Variants in CLIC5 observed in about 807,000 individuals in gnomAD.
The protein encoded by CLIC5 is chloride intracellular channel protein 5.
A neutral mutation model predicts 24.7 loss-of-function variants in CLIC5; 20 were observed. That is an observed-to-expected ratio of 0.81 (90% CI 0.57 to 1.18). CLIC5 has a LOEUF of 1.18. Among genes scored for constraint, CLIC5 ranks in the 50% most tolerant of loss-of-function variants. The probability of loss-of-function intolerance (pLI) is 0.00; values close to 1 mark genes in which losing one functional copy is unlikely to be tolerated. For synonymous variants in CLIC5, 159 were observed against 135.6 expected (o/e 1.17, Z -1.20); for missense variants, 341 against 326.1 (o/e 1.05, Z -0.35).
At chr6:45,953,021 G>A (rs1764521918) in intron 2 of CLIC5, among the ~76,000 whole-genome samples, 1 of 152,146 alleles carries the variant, frequency 6.6e-6, no homozygotes, top group Non-Finnish European at 1.5e-5. Flanking sequence ...CACGATTCCA[G>A]TCTGTCCTTG....
chr6:46,114,271 T>C, the CLIC5 span, among the ~76,000 whole-genome samples: 276 of 152,266 alleles, frequency 1.8e-3, no homozygotes, highest in Middle Eastern at 3.4e-3. Flanking sequence ...CCCACCTAGT[T>C]CCCATACCAG....
the CLIC5 span, among the ~76,000 whole-genome samples, chr6:46,085,871 A>G: frequency 1.3e-5 from 2 of 152,140 alleles, no homozygotes; most frequent in South Asian, 4.1e-4. Flanking sequence ...GGCAGGCAGG[A>G]CTCCTTGAGC....
intron 1 of CLIC5, among the ~76,000 whole-genome samples, chr6:46,042,429 C>A (rs1018757444): frequency 1.3e-5 from 2 of 151,928 alleles, no homozygotes; most frequent in East Asian, 3.9e-4. Flanking sequence ...TTTAAATTCC[C>A]TTCAAGATAG....
intron 1 of CLIC5, among the ~76,000 whole-genome samples, chr6:45,988,010 T>C (rs544181024): frequency 6.6e-6 from 1 of 152,182 alleles, no homozygotes; most frequent in Non-Finnish European, 1.5e-5. Flanking sequence ...TCTTAACTCA[T>C]TCCAGTGTCA....
At position 45,958,437 on chromosome 6, in the gene CLIC5, T is replaced by TATATATATACACACACACACACACAC. The variant is rs1284230686; in HGVS notation, c.64-3194_64-3193insGTGTGTGTGTGTGTGTGTATATATAT. ...AAAAAGACAATTATATATATATATA[T>TATATATATACACACACACACACACAC]ATATATATATATATATATATATATA... On this transcript the variant is annotated intron_variant, in intron 1 of 5. Transcript: ENST00000339561. Among the ~76,000 whole-genome samples, 21 of 7,770 alleles carry TATATATATACACACACACACACACAC rather than the reference T, an allele frequency of 2.7e-3. 1 individual carries two copies. Among genetic ancestry groups the TATATATATACACACACACACACACAC allele is most frequent in the Non-Finnish European group, 7.1e-3 (17 of 2,404 alleles). 5.1% of individuals were successfully genotyped at this position (7,770 alleles called of 152,430 possible).
the CLIC5 span, among the ~76,000 whole-genome samples, chr6:46,085,543 A>G: frequency 6.6e-6 from 1 of 152,182 alleles, no homozygotes; most frequent in Non-Finnish European, 1.5e-5. Flanking sequence ...GGTCCACTCC[A>G]GACCCTGTTT....
At chr6:45,916,611 C>G (rs548422225) in intron 4 of CLIC5, among the ~76,000 whole-genome samples, 1 of 152,278 alleles carries the variant, frequency 6.6e-6, no homozygotes, top group South Asian at 2.1e-4. Flanking sequence ...CCCTGGAGAC[C>G]TGAGTGGGCT....
At chr6:45,945,395 A>G (rs1048656534) in intron 3 of CLIC5, among the ~76,000 whole-genome samples, 6 of 152,132 alleles carry the variant, frequency 3.9e-5, no homozygotes, top group Non-Finnish European at 5.9e-5. Flanking sequence ...AGTTGGGATC[A>G]CGTGTGGATT....
At chr6:45,927,709 A>G (rs769089345) in intron 4 of CLIC5, among the ~76,000 whole-genome samples, 21 of 152,112 alleles carry the variant, frequency 1.4e-4, no homozygotes, top group Non-Finnish European at 2.9e-4. Flanking sequence ...AGAGACTCAA[A>G]GTGTTTTTTC....
At chr6:45,998,021 T>C (rs1022869608) in intron 1 of CLIC5, among the ~76,000 whole-genome samples, 4 of 152,146 alleles carry the variant, frequency 2.6e-5, no homozygotes, top group Admixed American at 1.3e-4. Context: ...CTGCCCTGAG[T>C]GTTTACCATT....
At chr6:45,962,431 A>C (rs573324137) in intron 1 of CLIC5, among the ~76,000 whole-genome samples, 7 of 151,228 alleles carry the variant, frequency 4.6e-5, no homozygotes, top group African/African-American at 1.7e-4. Flanking sequence ...CCCACACTAT[A>C]AAGGGCAATC....
At chr6:45,952,309 T>C (rs1342650386) in intron 2 of CLIC5, among the ~76,000 whole-genome samples, 1 of 152,246 alleles carries the variant, frequency 6.6e-6, no homozygotes, top group Non-Finnish European at 1.5e-5. Flanking sequence ...GGATGACGTA[T>C]TGCCAGGTAT....
chr6:46,055,612 G>A (rs1370021694), intron 1 of CLIC5, among the ~76,000 whole-genome samples: 2 of 152,178 alleles, frequency 1.3e-5, no homozygotes, highest in Non-Finnish European at 1.5e-5. Context: ...ATCTTTCTGA[G>A]CTGAAGACCT....
intron 1 of CLIC5, among the ~76,000 whole-genome samples, chr6:46,012,443 C>T (rs987640561): frequency 2.6e-5 from 4 of 152,178 alleles, no homozygotes; most frequent in African/African-American, 9.7e-5. Flanking sequence ...TCTTAAAAGT[C>T]ACTGTCAGAA....
At chr6:46,011,698 G>C (rs1171367301) in intron 1 of CLIC5, among the ~76,000 whole-genome samples, 1 of 152,166 alleles carries the variant, frequency 6.6e-6, no homozygotes, top group African/African-American at 2.4e-5. Flanking sequence ...GGAATGCCTT[G>C]ATCTAACCTA....
At chr6:46,127,927 A>G in the CLIC5 span, among the ~76,000 whole-genome samples, 1 of 152,192 alleles carries the variant, frequency 6.6e-6, no homozygotes, top group Non-Finnish European at 1.5e-5. Flanking sequence ...AGTTATATTT[A>G]CCACTAAAGG....
chr6:45,977,371 G>C (rs186559311), intron 1 of CLIC5, among the ~76,000 whole-genome samples: 131 of 151,840 alleles, frequency 8.6e-4, no homozygotes, highest in African/African-American at 3.1e-3. Flanking sequence ...GGCTTTTTTT[G>C]AAAGATGATC....
intron 4 of CLIC5, among the ~76,000 whole-genome samples, chr6:45,926,291 A>C (rs1465439052): frequency 2.0e-5 from 3 of 151,166 alleles, no homozygotes; most frequent in African/African-American, 7.3e-5. Context: ...TCTGTCACCC[A>C]GGCTGGAGTG....
At position 45,911,469 on chromosome 6, in the gene CLIC5, T is replaced by A. The variant is rs190888990; in HGVS notation, c.588+2759A>T. Among the ~76,000 whole-genome samples, 3 of 152,310 alleles carry A rather than the reference T, an allele frequency of 2.0e-5. No individual in the cohort carries two copies. In the East Asian group the frequency reaches 5.8e-4, roughly 29 times the overall value. The stretch of plus-strand genomic sequence containing the variant: ...GGGCCAAGTTCCTTTGAGAAGAGGC[T>A]GTCTTGGCTAAGAGCAAATTCATGC... On this transcript the variant is annotated intron_variant, in intron 5 of 5. Transcript: ENST00000339561.
Sources: gnomAD v4.1 joint callset for allele counts (sites outside exome capture counted in the v4.1 genomes callset) on GRCh38, gnomAD v4.1.1 for gene constraint, MANE v1.5 for transcripts, NCBI Gene and HGNC (gene_info 2026-07-23, HGNC 2026-07-21) for gene names.